NKAIN3: variants seen among roughly 807,000 people sequenced by gnomAD.
The protein encoded by NKAIN3 is sodium/potassium transporting ATPase interacting 3.
Under a neutral mutation model 30.2 loss-of-function variants are expected in NKAIN3, and 25 were observed. That is an observed-to-expected ratio of 0.83 (90% CI 0.60 to 1.16). The LOEUF is 1.16. NKAIN3 is among the 50% of genes most tolerant of loss of function. NKAIN3 has a pLI of 0.00. For missense variants in NKAIN3, 225 were observed against 254.1 expected (o/e 0.89, Z 0.78); for synonymous variants, 91 against 89.6 (o/e 1.02, Z -0.09).
chr8:62,802,649 A>G (rs1277153967), intron 4 of NKAIN3, among the ~76,000 whole-genome samples: 1 of 152,212 alleles, frequency 6.6e-6, no homozygotes, highest in African/African-American at 2.4e-5. Flanking sequence ...GGTACCAGCC[A>G]CTGCAAAATC....
intron 1 of NKAIN3, among the ~76,000 whole-genome samples, chr8:62,479,361 T>G (rs1047859140): frequency 6.6e-6 from 1 of 152,150 alleles, no homozygotes; most frequent in Non-Finnish European, 1.5e-5. Flanking sequence ...TTATCCAAAT[T>G]CGGCAGGTGA....
chr8:62,900,270 T>G (rs1340546956), intron 4 of NKAIN3, among the ~76,000 whole-genome samples: 1 of 152,170 alleles, frequency 6.6e-6, no homozygotes, highest in African/African-American at 2.4e-5. Flanking sequence ...TTTTAAAAGC[T>G]TAAGCCACCA....
chr8:62,481,112 T>C (rs1806705204), intron 1 of NKAIN3, among the ~76,000 whole-genome samples: 1 of 152,228 alleles, frequency 6.6e-6, no homozygotes, highest in African/African-American at 2.4e-5. Flanking sequence ...CTTTGTCACA[T>C]GTAATTCTAA....
chr8:62,869,689 T>G (rs1586290715), intron 4 of NKAIN3, among the ~76,000 whole-genome samples: 1 of 152,142 alleles, frequency 6.6e-6, no homozygotes, highest in Admixed American at 6.5e-5. Flanking sequence ...GGGGGGTAGG[T>G]GGGGCTCCCA....
intron 4 of NKAIN3, among the ~76,000 whole-genome samples, chr8:62,890,187 A>G (rs1339813399): frequency 6.6e-6 from 1 of 152,234 alleles, no homozygotes; most frequent in Admixed American, 6.5e-5. Flanking sequence ...TTGGAAGGAT[A>G]GTAAGCCAAC....
chr8:62,990,140 T>C, intron 5 of NKAIN3: 1 of 1,059,768 alleles, frequency 9.4e-7, no homozygotes, highest in East Asian at 2.6e-5. Flanking sequence ...GTTGATATTT[T>C]AAAAATCAAC....
intron 4 of NKAIN3, among the ~76,000 whole-genome samples, chr8:62,845,519 G>C (rs1487688621): frequency 6.6e-6 from 1 of 151,646 alleles, no homozygotes. Context: ...TACCCACAGT[G>C]AATGACGAAA....
chr8:62,913,617 C>A (rs541090561), intron 4 of NKAIN3, among the ~76,000 whole-genome samples: 1 of 152,182 alleles, frequency 6.6e-6, no homozygotes, highest in African/African-American at 2.4e-5. Flanking sequence ...TTTAAGAAAA[C>A]TAATGTTCAC....
chr8:62,747,235 C>T (rs561661621), intron 4 of NKAIN3, 106 bp downstream of exon 4: 60 of 672,476 alleles, frequency 8.9e-5, no homozygotes, highest in Admixed American at 7.2e-4. Flanking sequence ...ACACAGAGAA[C>T]ATCCAACAGA....
In NKAIN3 at chr8:62,944,224, T is replaced by C. The variant is rs1823060522; in HGVS notation, c.533-9678T>C. Among the ~76,000 whole-genome samples the C allele has an allele frequency of 2.0e-5, 3 of 152,298 alleles. No individual in the cohort carries two copies. The South Asian group carries it at 6.2e-4, about 32-fold the overall frequency. ...GCACCTTTTTCATAAATCAAGTAGA[T>C]CTATTTTCTAACTCTATTATGTTTC... On this transcript the variant is annotated intron_variant, in intron 5 of 6. Coordinates refer to ENST00000623646, the MANE Select transcript of NKAIN3 (RefSeq NM_001304533.3).
chr8:62,306,536 TTGTGTGTGTGTG>T (rs10552182), intron 1 of NKAIN3, among the ~76,000 whole-genome samples: 6 of 135,968 alleles, frequency 4.4e-5, no homozygotes, highest in East Asian at 4.3e-4. Flanking sequence ...TTTGAAGGCT[TTGTGTGTGTGTG>T]TGTGTGTGTG....
chr8:62,926,780 C>G (rs1822461805), intron 5 of NKAIN3, among the ~76,000 whole-genome samples: 1 of 152,200 alleles, frequency 6.6e-6, no homozygotes, highest in African/African-American at 2.4e-5. Flanking sequence ...CCCAGGCTCT[C>G]TATCTGTCAG....
intron 1 of NKAIN3, among the ~76,000 whole-genome samples, chr8:62,466,398 A>G (rs1000642852): frequency 1.3e-5 from 2 of 152,154 alleles, no homozygotes; most frequent in African/African-American, 4.8e-5. Flanking sequence ...TCTCTAAGAT[A>G]GTAATATGTA....
rs1586264098 is a variant in NKAIN3, at chr8:62,848,486, A to G, written c.472-69967A>G. 3.3e-5 allele frequency among the ~76,000 whole-genome samples: 5 copies of G among 152,210 alleles called. No homozygotes were observed. The South Asian group carries it at 1.0e-3, about 32-fold the overall frequency. ...CTCTCAGCTTGACTGTTGTTGGTGT[A>G]TAGGAATGCTAGCAATTTTTGCTCA... On this transcript the variant is annotated intron_variant, in intron 4 of 6. Coordinates refer to ENST00000623646, the MANE Select transcript of NKAIN3 (RefSeq NM_001304533.3).
chr8:62,362,156 A>C (rs897287333), intron 1 of NKAIN3, among the ~76,000 whole-genome samples: 2 of 152,250 alleles, frequency 1.3e-5, no homozygotes, highest in African/African-American at 4.8e-5. Flanking sequence ...TTGAGTGAAT[A>C]AATGAATGAG....
At chr8:62,877,560 T>C (rs1006828176) in intron 4 of NKAIN3, among the ~76,000 whole-genome samples, 1 of 152,238 alleles carries the variant, frequency 6.6e-6, no homozygotes. Context: ...AGGTCACACA[T>C]AGGATCTTGG....
intron 3 of NKAIN3, among the ~76,000 whole-genome samples, chr8:62,697,843 G>A (rs1234502432): frequency 6.6e-6 from 1 of 152,062 alleles, no homozygotes; most frequent in Non-Finnish European, 1.5e-5. Context: ...TTTAGTCAGA[G>A]GAGTAAAAAG....
intron 1 of NKAIN3, chr8:62,473,461 C>A (rs1806420877): frequency 6.6e-6 from 1 of 151,962 alleles, no homozygotes; most frequent in Non-Finnish European, 1.5e-5. Context: ...GAAAATGGGG[C>A]CTTATTGAAG....
intron 3 of NKAIN3, among the ~76,000 whole-genome samples, chr8:62,690,059 AGT>A (rs1813916517): frequency 6.6e-6 from 1 of 152,194 alleles, no homozygotes; most frequent in Non-Finnish European, 1.5e-5. Flanking sequence ...AGTGTCTTTA[AGT>A]TCGGCTCCGT....
Sources: gnomAD v4.1 joint callset for allele counts (sites outside exome capture counted in the v4.1 genomes callset) on GRCh38, gnomAD v4.1.1 for gene constraint, MANE v1.5 for transcripts, NCBI Gene and HGNC (gene_info 2026-07-23, HGNC 2026-07-21) for gene names.